The following CA5A variants were observed in gnomAD, a reference collection of about 807,000 sequenced individuals.
CA5A encodes the protein carbonic anhydrase 5A, mitochondrial.
A neutral mutation model predicts 37.1 loss-of-function variants in CA5A; 28 were observed. The ratio of observed to expected loss-of-function variants is 0.75; its 90% confidence interval spans 0.56 to 1.03. The LOEUF is 1.03. Among genes scored for constraint, CA5A ranks in the 50% least tolerant of loss-of-function variants. The pLI, the probability that CA5A is intolerant of heterozygous loss-of-function variation, is 0.00. For synonymous variants in CA5A, 171 were observed against 158.4 expected, an observed-to-expected ratio of 1.08 and a Z score of -0.60; for missense variants, 444 against 399.9, an observed-to-expected ratio of 1.11 and a Z score of -0.94.
At chr16:87,928,815 C>T (rs1328388888) in intron 1 of CA5A, among the ~76,000 whole-genome samples, 1 of 126,934 alleles carries the variant, frequency 7.9e-6, no homozygotes, top group African/African-American at 3.0e-5. Flanking sequence ...GTCGCCCAGG[C>T]TGCAGTGCAG....
chr16:87,893,075 C>A (rs2055747487), intron 5 of CA5A: 6 of 903,924 alleles, frequency 6.6e-6, no homozygotes, highest in South Asian at 5.2e-5. Flanking sequence ...CTCTCAAGCC[C>A]CGAGGCTGCC....
At chr16:87,914,548 C>T (rs1054202081) in intron 2 of CA5A, among the ~76,000 whole-genome samples, 4 of 152,140 alleles carry the variant, frequency 2.6e-5, no homozygotes, top group African/African-American at 9.7e-5. Flanking sequence ...ACAGAGCCGT[C>T]TGAACACAGC....
intron 2 of CA5A, among the ~76,000 whole-genome samples, chr16:87,913,051 T>C (rs1184619585): frequency 6.6e-6 from 1 of 151,460 alleles, no homozygotes; most frequent in African/African-American, 2.4e-5. Context: ...TGGTACAATC[T>C]TGGCTCACTG....
chr16:87,923,001 G>A (rs1387731100), intron 2 of CA5A, among the ~76,000 whole-genome samples: 11 of 152,202 alleles, frequency 7.2e-5, no homozygotes, highest in Admixed American at 7.2e-4. Flanking sequence ...TGAAGCCCTT[G>A]GTGAGGAGAA....
intron 3 of CA5A, among the ~76,000 whole-genome samples, chr16:87,903,101 T>C (rs2055904876): frequency 6.6e-6 from 1 of 152,012 alleles, no homozygotes; most frequent in African/African-American, 2.4e-5. Context: ...CATTATTTTC[T>C]ACTTCCTAGT....
chr16:87,928,471 A>G (rs1195260196), intron 1 of CA5A, among the ~76,000 whole-genome samples: 1 of 152,078 alleles, frequency 6.6e-6, no homozygotes, highest in Non-Finnish European at 1.5e-5. Flanking sequence ...GTGTACCACC[A>G]CACCCGGCCA....
At chr16:87,923,090 G>A (rs956708619) in intron 2 of CA5A, among the ~76,000 whole-genome samples, 23 of 152,202 alleles carry the variant, frequency 1.5e-4, no homozygotes, top group Non-Finnish European at 3.1e-4. Flanking sequence ...CTTGGCAGTC[G>A]CCCCTTCTCT....
At chr16:87,881,875 T>G (rs2055610364) in exon 5 of CA5A, 1 of 152,238 alleles carries the variant, frequency 6.6e-6, no homozygotes, top group Non-Finnish European at 1.5e-5. Context: ...AGCACCAGTT[T>G]TTAAAAATAA....
At chr16:87,885,199 C>T (rs143264631), downstream of CA5A, 2,076 of 171,216 alleles carry the variant, frequency 0.012, 50 homozygotes, top group African/African-American at 0.046. Context: ...AAAACAACAA[C>T]AACAACAAAA....
At chr16:87,910,793 A>G (rs1482214462) in intron 2 of CA5A, among the ~76,000 whole-genome samples, 1 of 152,072 alleles carries the variant, frequency 6.6e-6, no homozygotes, top group Non-Finnish European at 1.5e-5. Context: ...GCTGTCACCT[A>G]GGCTGGAGTG....
intron 5 of CA5A, chr16:87,893,440 T>C (rs1026150625): frequency 4.2e-5 from 22 of 529,378 alleles, no homozygotes; most frequent in Non-Finnish European, 8.1e-5. Context: ...CTGGAGACAT[T>C]TCTACTGCTA....
intron 3 of CA5A, 77 bp from the exon 4 acceptor site, chr16:87,902,597 C>G: frequency 1.2e-6 from 1 of 801,424 alleles, no homozygotes; most frequent in South Asian, 1.4e-5. Flanking sequence ...AATGGCTGAC[C>G]TATGTGTCCA....
intron 5 of CA5A, chr16:87,892,940 C>A: frequency 2.5e-6 from 2 of 803,936 alleles, no homozygotes; most frequent in Non-Finnish European, 2.0e-6. Flanking sequence ...AGCCACTGTG[C>A]CCGGCCTATG....
intron 2 of CA5A, among the ~76,000 whole-genome samples, chr16:87,906,959 G>A (rs2055970004): frequency 6.6e-6 from 1 of 152,150 alleles, no homozygotes; most frequent in African/African-American, 2.4e-5. Context: ...GCTCACGCCT[G>A]TAATCCTAGC....
intron 2 of CA5A, among the ~76,000 whole-genome samples, chr16:87,916,110 G>GT (rs2056138530): frequency 6.7e-6 from 1 of 149,862 alleles, no homozygotes; most frequent in African/African-American, 2.5e-5. Context: ...GGAGCTTGCA[G>GT]TGAGCAGAGA....
intron 1 of CA5A, among the ~76,000 whole-genome samples, chr16:87,935,960 T>C (rs8054069): frequency 0.16 from 24,001 of 151,672 alleles, 2,246 homozygotes; most frequent in East Asian, 0.32. Flanking sequence ...ATCGCGAGGT[T>C]AGGAGTTCGA....
At chr16:87,935,030 C>A (rs888179988) in intron 1 of CA5A, among the ~76,000 whole-genome samples, 1 of 152,174 alleles carries the variant, frequency 6.6e-6, no homozygotes, top group African/African-American at 2.4e-5. Context: ...CTTCCATGGC[C>A]CTGGAGAGAA....
chr16:87,931,202 C>G (rs1464486302), intron 1 of CA5A, among the ~76,000 whole-genome samples: 2 of 151,400 alleles, frequency 1.3e-5, no homozygotes, highest in African/African-American at 2.4e-5. Context: ...ACCTCCGCCT[C>G]CCGGGTTCAA....
chr16:87,910,939 G>A (rs974561092), intron 2 of CA5A, among the ~76,000 whole-genome samples: 14 of 151,838 alleles, frequency 9.2e-5, no homozygotes, highest in South Asian at 2.1e-4. Context: ...TAGTAGAGAC[G>A]GGGTTTCACC....
Sources: gnomAD v4.1 joint callset for allele counts (sites outside exome capture counted in the v4.1 genomes callset) on GRCh38, gnomAD v4.1.1 for gene constraint, MANE v1.5 for transcripts, NCBI Gene and HGNC (gene_info 2026-07-23, HGNC 2026-07-21) for gene names.